Variants in FARS2 observed in about 807,000 individuals in gnomAD.
The protein encoded by FARS2 is phenylalanine--tRNA ligase, mitochondrial.
In FARS2, 40 loss-of-function variants were observed where a neutral mutation model predicts 46.4. That is an observed-to-expected ratio of 0.86 (90% confidence interval 0.67 to 1.12). The LOEUF is 1.12. FARS2 is among the 50% of genes most tolerant of loss of function. The pLI, the probability that FARS2 is intolerant of heterozygous loss-of-function variation, is 0.00. For missense variants in FARS2, 513 were observed against 567.9 expected, an observed-to-expected ratio of 0.90 and a Z score of 0.98; for synonymous variants, 234 against 214.9, an observed-to-expected ratio of 1.09 and a Z score of -0.78.
intron 6 of FARS2, among the ~76,000 whole-genome samples, chr6:5,651,058 A>G (rs1266037192): frequency 6.6e-6 from 1 of 152,222 alleles, no homozygotes; most frequent in Non-Finnish European, 1.5e-5. Context: ...CAATACAGTA[A>G]TAGTAAAGGG....
intron 4 of FARS2, among the ~76,000 whole-genome samples, chr6:5,490,476 A>T (rs1767038570): frequency 6.6e-6 from 1 of 152,176 alleles, no homozygotes; most frequent in African/African-American, 2.4e-5. Context: ...TGTTAATAGT[A>T]TTTTTTAAAG....
intron 5 of FARS2, among the ~76,000 whole-genome samples, chr6:5,597,588 C>G (rs923890817): frequency 6.6e-6 from 1 of 152,234 alleles, no homozygotes; most frequent in Non-Finnish European, 1.5e-5. Context: ...ACTCACAGCA[C>G]TCTGCTAACC....
At chr6:5,546,471 C>G (rs369381362) in intron 5 of FARS2, among the ~76,000 whole-genome samples, 1 of 151,414 alleles carries the variant, frequency 6.6e-6, no homozygotes, top group Non-Finnish European at 1.5e-5. Context: ...AGGCTGGTCT[C>G]AAACTCCTGA....
chr6:5,462,309 A>G (rs914972017), intron 4 of FARS2, among the ~76,000 whole-genome samples: 3 of 152,012 alleles, frequency 2.0e-5, no homozygotes, highest in African/African-American at 7.2e-5. Context: ...TCTTTATTAT[A>G]TGTATGATTG....
chr6:5,488,583 T>A (rs940047416), intron 4 of FARS2, among the ~76,000 whole-genome samples: 1 of 149,798 alleles, frequency 6.7e-6, no homozygotes, highest in Admixed American at 6.7e-5. Context: ...ATATTGTAGA[T>A]TTTTGTTTAT....
At chr6:5,342,598 C>A (rs1359825591) in intron 1 of FARS2, among the ~76,000 whole-genome samples, 1 of 151,766 alleles carries the variant, frequency 6.6e-6, no homozygotes, top group East Asian at 1.9e-4. Context: ...ACTAAAAATA[C>A]AAAATTAGCC....
At chr6:5,304,577 C>T (rs1581737037) in intron 1 of FARS2, among the ~76,000 whole-genome samples, 2 of 152,128 alleles carry the variant, frequency 1.3e-5, no homozygotes. Context: ...CATTCGTTTC[C>T]CAGATGGCCA....
At chr6:5,268,011 G>A (rs541566950) in intron 1 of FARS2, among the ~76,000 whole-genome samples, 2,466 of 152,094 alleles carry the variant, frequency 0.016, 62 homozygotes, top group African/African-American at 0.057. Context: ...CTTTTGAGAA[G>A]TGTCTGTTCA....
intron 4 of FARS2, among the ~76,000 whole-genome samples, chr6:5,460,235 A>G (rs1169880366): frequency 6.6e-6 from 1 of 152,176 alleles, no homozygotes; most frequent in African/African-American, 2.4e-5. Context: ...CTGACTCTCA[A>G]TACATTCACA....
At chr6:5,443,140 A>G (rs1763937749) in intron 4 of FARS2, among the ~76,000 whole-genome samples, 2 of 152,170 alleles carry the variant, frequency 1.3e-5, no homozygotes, top group African/African-American at 2.4e-5. Context: ...TTAATTTTCC[A>G]TTTTAAACTG....
chr6:5,489,709 A>G (rs1384086103), intron 4 of FARS2, among the ~76,000 whole-genome samples: 4 of 152,194 alleles, frequency 2.6e-5, no homozygotes, highest in Admixed American at 2.0e-4. Flanking sequence ...TAGGCCTACC[A>G]GTCACTAGTC....
intron 1 of FARS2, among the ~76,000 whole-genome samples, chr6:5,263,151 G>C (rs918505073): frequency 6.6e-6 from 1 of 152,146 alleles, no homozygotes; most frequent in Non-Finnish European, 1.5e-5. Flanking sequence ...TTGCTTTTGA[G>C]AGTAAAGTTG....
intron 6 of FARS2, among the ~76,000 whole-genome samples, chr6:5,761,353 A>T (rs1032036266): frequency 3.3e-5 from 5 of 152,234 alleles, no homozygotes; most frequent in African/African-American, 7.2e-5. Flanking sequence ...CCACTGTGTC[A>T]TGCACAGAAC....
At chr6:5,371,190 C>G in intron 2 of FARS2, 6 of 984,908 alleles carry the variant, frequency 6.1e-6, no homozygotes, top group Non-Finnish European at 7.2e-6. Flanking sequence ...AGAGTGGAGT[C>G]AGAAGATTGT....
intron 6 of FARS2, among the ~76,000 whole-genome samples, chr6:5,675,199 GACACACACACACACACAC>G (rs3057239): frequency 1.4e-5 from 2 of 144,954 alleles, no homozygotes; most frequent in South Asian, 2.3e-4. Context: ...TTTGCAGATA[GACACACACACACACACAC>G]ACACACACAC....
At chr6:5,721,304 A>G (rs1293694746) in intron 6 of FARS2, among the ~76,000 whole-genome samples, 1 of 152,130 alleles carries the variant, frequency 6.6e-6, no homozygotes, top group East Asian at 1.9e-4. Context: ...TGTTTTGGTT[A>G]CCCCAGATAT....
intron 4 of FARS2, among the ~76,000 whole-genome samples, chr6:5,446,241 A>G (rs1251620098): frequency 6.6e-6 from 1 of 151,690 alleles, no homozygotes; most frequent in Non-Finnish European, 1.5e-5. Context: ...ACCTCGAGGC[A>G]TGCCTTCAAT....
At chr6:5,669,483 G>GT (rs2150803686) in intron 6 of FARS2, among the ~76,000 whole-genome samples, 1 of 149,746 alleles carries the variant, frequency 6.7e-6, no homozygotes, top group South Asian at 2.1e-4. Context: ...TAAGGGTTTT[G>GT]TAAGTGACCA....
chr6:5,610,688 A>C lies in FARS2; in HGVS notation c.1066-2481A>C, dbSNP rs934816375. On this transcript the variant is annotated intron_variant, in intron 5 of 6. Transcript: ENST00000274680. ...ATCTGATAAAACTAGTAAAATAGTC[A>C]TCCTTCTGTTAAGAAAAGAAATAAG... Among the ~76,000 whole-genome samples the C allele has an allele frequency of 4.6e-5, 7 of 152,340 alleles. No homozygotes were observed. The South Asian group carries it at 1.5e-3, about 32-fold the overall frequency.
Sources: allele counts gnomAD v4.1 joint callset (sites outside exome capture counted in the v4.1 genomes callset), GRCh38; gene constraint gnomAD v4.1.1; transcripts MANE v1.5; gene names NCBI Gene and HGNC (gene_info 2026-07-23, HGNC 2026-07-21).